The following MPP1 variants were observed in gnomAD, a reference collection of about 807,000 sequenced individuals.
MPP1 encodes the protein MAGUK p55 scaffold protein 1.
Under a neutral mutation model 38.2 loss-of-function variants are expected in MPP1, and 6 were observed. The observed-to-expected ratio is 0.16, with a 90% CI of 0.09 to 0.31. The LOEUF is 0.31. Among genes scored for constraint, MPP1 ranks in the 10% least tolerant of loss-of-function variants. MPP1 has a pLI of 1.00. For missense variants in MPP1, 293 were observed against 368.9 expected (o/e 0.79, Z 1.69); for synonymous variants, 153 against 146.3 (o/e 1.05, Z -0.33).
intron 1 of MPP1, among the ~76,000 whole-genome samples, chrX:154,802,857 C>T (rs1307281839): frequency 8.9e-6 from 1 of 112,264 alleles, no homozygotes; most frequent in Non-Finnish European, 1.9e-5. Flanking sequence ...TAAAGTGACA[C>T]CTTTAAATGA....
chrX:154,799,729 G>C lies in MPP1; in HGVS notation c.102+5543C>G, dbSNP rs781801664. ...GACTGCTGGGATTCAGGAGGAGCCA[G>C]GGAATAAACACTCACCCAGGACTCC... On this transcript the variant is annotated intron_variant, in intron 1 of 11. Coordinates refer to ENST00000369534, the MANE Select transcript of MPP1 (RefSeq NM_002436.4). The C allele has an allele frequency of 8.7e-6, 10 of 1,146,780 alleles. No homozygotes were observed. In the East Asian group the frequency reaches 2.6e-4, roughly 30 times the overall value. 94.5% of individuals were successfully genotyped at this position (1,146,780 alleles called of 1,213,427 possible). A position where few individuals can be genotyped will look rare whatever the true frequency, so the allele number is the denominator to read the frequency against.
At chrX:154,781,449 A>G (rs1449952628) in intron 10 of MPP1, 136 bp from the exon 11 acceptor site, 1 of 785,794 alleles carries the variant, frequency 1.3e-6, no homozygotes, top group African/African-American at 2.1e-5. Flanking sequence ...ACAACTTTCC[A>G]TCATTCCCAG....
rs781933887 is a variant in MPP1, at chrX:154,786,701, G to T, written c.481-301C>A. Among the ~76,000 whole-genome samples the T allele has an allele frequency of 6.4e-5, 7 of 109,874 alleles. No homozygotes were observed. The South Asian group carries it at 1.6e-3, about 25-fold the overall frequency. Reference sequence around the variant, plus strand: ...ACATGAGGCTAGGAGTTGGAGACCAGCCTGGCTAACATGGTGAAACTCCGT... The same window carrying T: ...ACATGAGGCTAGGAGTTGGAGACCATCCTGGCTAACATGGTGAAACTCCGT... On this transcript the variant is annotated intron_variant, in intron 5 of 11. Coordinates refer to ENST00000369534, the MANE Select transcript of MPP1 (RefSeq NM_002436.4).
At chrX:154,794,267 C>G (rs191436127) in intron 1 of MPP1, among the ~76,000 whole-genome samples, 2 of 111,650 alleles carry the variant, frequency 1.8e-5, no homozygotes, top group African/African-American at 6.5e-5. Flanking sequence ...CATGGTAGAT[C>G]ACCTGTGGAT....
chrX:154,798,551 C>T (rs1207619756), intron 1 of MPP1, among the ~76,000 whole-genome samples: 1 of 111,727 alleles, frequency 9.0e-6, no homozygotes, highest in Non-Finnish European at 1.9e-5. Context: ...ACTTATATAA[C>T]ATTCCTAAAA....
chrX:154,790,238 AC>A (rs1300883196), intron 4 of MPP1, among the ~76,000 whole-genome samples: 1 of 111,572 alleles, frequency 9.0e-6, no homozygotes, highest in Non-Finnish European at 1.9e-5. Flanking sequence ...CTAACTAAAG[AC>A]TTTTCCGAGC....
intron 3 of MPP1, 88 bp downstream of exon 3, chrX:154,791,681 G>T: frequency 1.2e-6 from 1 of 867,424 alleles, no homozygotes; most frequent in Non-Finnish European, 1.7e-6. Flanking sequence ...CAGTTTGGAG[G>T]ATTATAAGCT....
intron 1 of MPP1, among the ~76,000 whole-genome samples, chrX:154,801,785 A>AAAAAAAAAAAAAAG (rs2072268412): frequency 1.4e-5 from 1 of 72,814 alleles, no homozygotes; most frequent in Non-Finnish European, 2.5e-5. Flanking sequence ...AAAAAAAAAA[A>AAAAAAAAAAAAAAG]ACAAAAAACA....
intron 7 of MPP1, chrX:154,784,690 G>A (rs942952146): frequency 1.1e-5 from 3 of 282,799 alleles, no homozygotes; most frequent in African/African-American, 5.6e-5. Flanking sequence ...ACAGTCTATA[G>A]TGCAAAATTT....
At chrX:154,797,014 C>CTCTA (rs2072205502) in intron 1 of MPP1, among the ~76,000 whole-genome samples, 1 of 112,096 alleles carries the variant, frequency 8.9e-6, no homozygotes, top group Admixed American at 9.4e-5. Context: ...CACCACTGTA[C>CTCTA]TCTAGCCTGG....
At chrX:154,789,228 T>C (rs2072114036) in intron 5 of MPP1, among the ~76,000 whole-genome samples, 2 of 112,436 alleles carry the variant, frequency 1.8e-5, no homozygotes, top group Non-Finnish European at 3.8e-5. Context: ...AGATTTATTC[T>C]TTTAAATATC....
At position 154,785,115 on chromosome X, in the gene MPP1, C is replaced by CCCAAA; in HGVS notation, c.719_720insTTTGG (p.Ser241LeufsTer49). On this transcript the variant is annotated frameshift_variant, in exon 7 of 12. Coordinates refer to ENST00000369534, the MANE Select transcript of MPP1 (RefSeq NM_002436.4). LOFTEE classifies it high-confidence loss of function. ...TCTTCTTCCCAAAGGGACTGCAGCT[C>CCCAAA]GGGGCTTCGCTAGGAGCTGACTGAG... The CCCAAA allele has an allele frequency of 1.7e-6, 2 of 1,209,799 alleles. No individual in the cohort carries two copies. The highest frequency in any genetic ancestry group is 2.2e-6 in the Non-Finnish European group (2 of 894,657).
At chrX:154,803,600 T>C (rs1389306204) in intron 1 of MPP1, among the ~76,000 whole-genome samples, 19 of 112,489 alleles carry the variant, frequency 1.7e-4, no homozygotes, top group Non-Finnish European at 3.8e-5. Context: ...ATTCTATTTA[T>C]ATAAAATTCC....
At chrX:154,790,530 CAAA>C (rs782132001) in intron 4 of MPP1, among the ~76,000 whole-genome samples, 1 of 48,280 alleles carries the variant, frequency 2.1e-5, no homozygotes, top group Non-Finnish European at 3.9e-5. Context: ...AACTCCATCT[CAAA>C]AAAAAAAAAA....
intron 1 of MPP1, among the ~76,000 whole-genome samples, chrX:154,801,793 A>AAAAAC (rs2072269651): frequency 2.1e-5 from 2 of 95,228 alleles, no homozygotes; most frequent in Non-Finnish European, 4.2e-5. Context: ...AAAACAAAAA[A>AAAAAC]CAGAAAAAAG....
intron 1 of MPP1, among the ~76,000 whole-genome samples, chrX:154,803,274 A>G (rs1357856124): frequency 8.9e-6 from 1 of 112,738 alleles, no homozygotes; most frequent in Non-Finnish European, 1.9e-5. Context: ...CATCGTGTGA[A>G]GAGTCTCCCT....
chrX:154,805,305 C>G lies in MPP1; in HGVS notation c.69G>C (p.Leu23=), dbSNP rs2072309092. Residue 23 remains leucine, a synonymous_variant, in exon 1 of 12, where the codon CTG becomes CTC. Transcript: ENST00000369534. ...GACTACGCTTCTGCAGCAAATGCTC[C>G]AGGTAGAGGTCGGAGAGCGCCGTGT... is the stretch of plus-strand genomic sequence containing the variant. The part of the protein sequence containing the change: ...SMHTALSDLY[L]EHLLQKRSRP... The G allele has an allele frequency of 1.7e-6, 2 of 1,208,079 alleles. No homozygotes were observed. Among genetic ancestry groups the G allele is most frequent in the Non-Finnish European group, 2.2e-6 (2 of 893,420 alleles).
intron 7 of MPP1, 40 bp from the exon 8 acceptor site, chrX:154,784,148 C>G (rs1406958389): frequency 1.9e-6 from 2 of 1,077,882 alleles, no homozygotes; most frequent in Non-Finnish European, 2.6e-6. Context: ...ATTTCCAGAG[C>G]TAGGGAGAAC....
chrX:154,779,032 AC>A lies in MPP1; in HGVS notation c.*144del. On this transcript the variant is annotated 3_prime_UTR_variant, in exon 12 of 12. Transcript: ENST00000369534. ...TCAGGAGCCTGAGCAAGAAGACTGA[AC>A]CTTACTGGCTGAATTAGGATAGCTG... 1.7e-6 allele frequency: 1 copy of A among 580,300 alleles called. No individual in the cohort carries two copies. Among genetic ancestry groups the A allele is most frequent in the Non-Finnish European group, 2.6e-6 (1 of 380,003 alleles). The allele number at this position is 580,300 out of a possible 1,213,427, so 47.8% of individuals were successfully genotyped here. A position where few individuals can be genotyped will look rare whatever the true frequency, so the allele number is the denominator to read the frequency against.
Sources: allele counts gnomAD v4.1 joint callset (sites outside exome capture counted in the v4.1 genomes callset), GRCh38; gene constraint gnomAD v4.1.1; transcripts MANE v1.5; gene names NCBI Gene and HGNC (gene_info 2026-07-23, HGNC 2026-07-21).